Variants in ANKRD30A observed in about 807,000 individuals in gnomAD.
ANKRD30A encodes the protein ankyrin repeat domain-containing protein 30A.
In ANKRD30A, 170 loss-of-function variants were observed where a neutral mutation model predicts 166.3. The ratio of observed to expected loss-of-function variants is 1.02; its 90% confidence interval spans 0.90 to 1.16. ANKRD30A has a LOEUF of 1.16. ANKRD30A is among the 50% of genes most tolerant of loss of function. The pLI, the probability that ANKRD30A is intolerant of heterozygous loss-of-function variation, is 0.00. For synonymous variants in ANKRD30A, 564 were observed against 508.9 expected (o/e 1.11, Z -1.46); for missense variants, 1,630 against 1,518.0 (o/e 1.07, Z -1.23).
chr10:37,247,404 G>C, the ANKRD30A span, among the ~76,000 whole-genome samples: 1 of 152,084 alleles, frequency 6.6e-6, no homozygotes. Flanking sequence ...TTATCTTATA[G>C]TGATTTATTA....
At chr10:37,158,334 T>C in intron 13 of ANKRD30A, 58 bp from the exon 14 acceptor site, 1 of 1,564,796 alleles carries the variant, frequency 6.4e-7, no homozygotes, top group Non-Finnish European at 8.8e-7. Context: ...TGTGTGAATG[T>C]TCGGTAGGCT....
intron 15 of ANKRD30A, among the ~76,000 whole-genome samples, chr10:37,160,534 T>G (rs1838770463): frequency 6.6e-6 from 1 of 152,210 alleles, no homozygotes; most frequent in South Asian, 2.1e-4. Flanking sequence ...GGTTCTAAAG[T>G]GCCAAATAAC....
At chr10:37,257,227 G>T in the ANKRD30A span, among the ~76,000 whole-genome samples, 1 of 151,728 alleles carries the variant, frequency 6.6e-6, no homozygotes, top group Non-Finnish European at 1.5e-5. Flanking sequence ...ATTTCTGTGG[G>T]ATCAGTGATG....
intron 31 of ANKRD30A, among the ~76,000 whole-genome samples, chr10:37,213,322 G>A (rs1170445516): frequency 2.0e-5 from 3 of 151,748 alleles, no homozygotes; most frequent in African/African-American, 2.4e-5. Flanking sequence ...TCTTCACATG[G>A]CAGAAAGGGT....
At position 37,197,415 on chromosome 10, in the gene ANKRD30A, T is replaced by C. The variant is rs530049021; in HGVS notation, c.2651T>C (p.Ile884Thr). 1.6e-4 allele frequency: 266 copies of C among 1,612,630 alleles called. 1 individual carries two copies. In the East Asian group the frequency reaches 3.9e-3, roughly 24 times the overall value. ...GCTTCCAACCCCATTTAGCCTGCCA[T>C]TGAAATGCAAAAGTCTGTTCCAAAT... ...PEKPSAFEPAIEMQKSVPNKA... is the reference protein window; with the variant it reads ...PEKPSAFEPATEMQKSVPNKA... The change falls in exon 29 of 36, where the codon ATT becomes ACT. Residue 884 changes from isoleucine to threonine, a missense_variant. Ile to Thr is a moderately conservative substitution (Grantham distance 89). Coordinates refer to ENST00000361713, the MANE Select transcript of ANKRD30A (RefSeq NM_052997.3).
At position 37,219,289 on chromosome 10, in the gene ANKRD30A, G is replaced by A. The variant is rs771234001; in HGVS notation, c.3577G>A (p.Ala1193Thr). 4 of 1,610,264 alleles carry A rather than the reference G, an allele frequency of 2.5e-6. No homozygotes were observed. Among genetic ancestry groups the A allele is most frequent in the South Asian group, 2.2e-5 (2 of 90,968 alleles). The change falls in exon 34 of 36, where the codon GCA becomes ACA. Residue 1193 changes from alanine to threonine, a missense_variant. By Grantham distance (58) the Ala-to-Thr change is moderately conservative. Around this residue, in one of 4 missense-constraint regions of ANKRD30A, gnomAD observed 712 missense variants for 629.3 expected, o/e 1.13. Coordinates refer to ENST00000361713, the MANE Select transcript of ANKRD30A (RefSeq NM_052997.3). ...AAAACAAGACAAAGAAATACTAGAG[G>A]CAGAAATTGAATCACACCATCCTAG... ...KEKQDKEILE[A>T]EIESHHPRLA...
intron 15 of ANKRD30A, 49 bp from the exon 16 acceptor site, chr10:37,162,600 G>C (rs746096220): frequency 6.2e-7 from 1 of 1,604,706 alleles, no homozygotes; most frequent in Non-Finnish European, 8.5e-7. Flanking sequence ...TTTGTGGTTG[G>C]CTTGTCATAT....
chr10:37,179,938 C>T (rs1259421175), intron 24 of ANKRD30A, among the ~76,000 whole-genome samples: 7 of 13,076 alleles, frequency 5.4e-4, no homozygotes, highest in African/African-American at 1.6e-3. Flanking sequence ...TTTTGTTCAG[C>T]GATTAGCTTG....
chr10:37,127,125 A>G (rs1836086605), intron 1 of ANKRD30A, among the ~76,000 whole-genome samples: 1 of 151,122 alleles, frequency 6.6e-6, no homozygotes, highest in South Asian at 2.1e-4. Context: ...ACAGGTAAAT[A>G]AATACAACAG....
chr10:37,243,611 G>A, the ANKRD30A span, among the ~76,000 whole-genome samples: 169 of 151,994 alleles, frequency 1.1e-3, 1 homozygote, highest in Non-Finnish European at 1.7e-3. Flanking sequence ...TGGTCAATAG[G>A]TCTTGGAACT....
chr10:37,209,465 A>G (rs1029012089), intron 31 of ANKRD30A, among the ~76,000 whole-genome samples: 3 of 152,076 alleles, frequency 2.0e-5, no homozygotes, highest in East Asian at 1.9e-4. Flanking sequence ...TAAATGACCA[A>G]TATTCATGAG....
the ANKRD30A span, among the ~76,000 whole-genome samples, chr10:37,265,383 A>G: frequency 6.6e-6 from 1 of 152,168 alleles, no homozygotes; most frequent in Non-Finnish European, 1.5e-5. Context: ...TGCCCGCAGC[A>G]TTCCTGTCCT....
intron 34 of ANKRD30A, among the ~76,000 whole-genome samples, chr10:37,221,354 G>A (rs1842891063): frequency 6.6e-6 from 1 of 151,092 alleles, no homozygotes; most frequent in Non-Finnish European, 1.5e-5. Flanking sequence ...AAAAAAACTT[G>A]GCTGATCTCA....
chr10:37,206,987 C>T (rs1230166700), intron 31 of ANKRD30A, among the ~76,000 whole-genome samples: 1 of 151,936 alleles, frequency 6.6e-6, no homozygotes, highest in Non-Finnish European at 1.5e-5. Context: ...TTGTTGAATA[C>T]ATATTTCAAT....
At chr10:37,252,421 A>G in the ANKRD30A span, among the ~76,000 whole-genome samples, 1 of 152,334 alleles carries the variant, frequency 6.6e-6, no homozygotes. Flanking sequence ...CTAAAATAAC[A>G]GTGCACATGT....
At chr10:37,194,131 A>C (rs1824533407) in intron 27 of ANKRD30A, among the ~76,000 whole-genome samples, 1 of 151,992 alleles carries the variant, frequency 6.6e-6, no homozygotes, top group Middle Eastern at 3.4e-3. Flanking sequence ...AGGAGGCAGA[A>C]GTTGCATGAG....
In ANKRD30A at chr10:37,218,990, C is replaced by T. The variant is rs1207287429; in HGVS notation, c.3278C>T (p.Thr1093Ile). The change falls in exon 34 of 36, where the codon ACT becomes ATT. Residue 1093 changes from threonine to isoleucine, a missense_variant. This residue lies in a region of ANKRD30A where 712 missense variants were observed against 629.3 expected (regional missense o/e 1.13). Coordinates refer to ENST00000361713, the MANE Select transcript of ANKRD30A (RefSeq NM_052997.3). ...TTTTGTTTTATTTAGGTTTCTCACACTCATGAAAATGAAAATTATCTCTTA... is the reference window on the plus strand; with the variant it reads ...TTTTGTTTTATTTAGGTTTCTCACATTCATGAAAATGAAAATTATCTCTTA... ...VESNLNQVSHTHENENYLLHE... is the reference protein window; with the variant it reads ...VESNLNQVSHIHENENYLLHE... 1 of 1,581,654 alleles carries T rather than the reference C, an allele frequency of 6.3e-7. No homozygotes were observed. Among genetic ancestry groups the T allele is most frequent in the East Asian group, 2.3e-5 (1 of 44,434 alleles).
intron 4 of ANKRD30A, among the ~76,000 whole-genome samples, chr10:37,133,010 A>G (rs186268886): frequency 1.3e-4 from 20 of 152,280 alleles, no homozygotes; most frequent in Admixed American, 1.0e-3. Context: ...AAAGAAAAAA[A>G]AAAAGAAAAA....
chr10:37,156,513 G>C (rs1838397055), intron 13 of ANKRD30A, among the ~76,000 whole-genome samples: 1 of 152,146 alleles, frequency 6.6e-6, no homozygotes, highest in African/African-American at 2.4e-5. Flanking sequence ...AGTGATAAAT[G>C]GTTCCTTGAT....
Sources: allele counts gnomAD v4.1 joint callset (sites outside exome capture counted in the v4.1 genomes callset), GRCh38; gene constraint gnomAD v4.1.1; regional missense constraint gnomAD v4.1.1; transcripts MANE v1.5; gene names NCBI Gene and HGNC (gene_info 2026-07-23, HGNC 2026-07-21).